CACNA1D: variants seen among roughly 807,000 people sequenced by gnomAD.
CACNA1D encodes the protein voltage-dependent L-type calcium channel subunit alpha-1D.
CACNA1D carries 55 observed loss-of-function variants against 257.1 expected under a neutral mutation model. The ratio of observed to expected loss-of-function variants is 0.21; its 90% CI spans 0.17 to 0.27. The LOEUF is 0.27. CACNA1D is among the 10% of genes least tolerant of loss of function. The probability of loss-of-function intolerance (pLI) is 1.00; values close to 1 mark genes in which losing one functional copy is unlikely to be tolerated. For synonymous variants in CACNA1D, 980 were observed against 1,014.9 expected (o/e 0.97, Z 0.65); for missense variants, 1,876 against 2,784.0 (o/e 0.67, Z 7.34).
intron 8 of CACNA1D, among the ~76,000 whole-genome samples, chr3:53,697,976 G>T (rs2094587230): frequency 6.6e-6 from 1 of 152,220 alleles, no homozygotes; most frequent in Admixed American, 6.5e-5. Context: ...TAGAGACCAA[G>T]ATGTGGGTAC....
At position 53,810,312 on chromosome 3, in the gene CACNA1D, T is replaced by G. The variant is rs535969496; in HGVS notation, c.6192+14T>G. 3.7e-6 allele frequency: 6 copies of G among 1,612,470 alleles called. No individual in the cohort carries two copies. The highest frequency in any genetic ancestry group is 1.7e-4 in the Middle Eastern group (1 of 6,060). On this transcript the variant is annotated intron_variant, in intron 47 of 47. Transcript: ENST00000350061. ...TTGGTGGAGGCAGTGAGTACGGTTC[T>G]TGGCCGTGGTGGGCAGGAAGCACCA...
chr3:53,629,911 T>C (rs1327256943), intron 3 of CACNA1D, among the ~76,000 whole-genome samples: 1 of 152,216 alleles, frequency 6.6e-6, no homozygotes, highest in Non-Finnish European at 1.5e-5. Flanking sequence ...TTTGCAGTCA[T>C]TATCCATTTC....
At chr3:53,657,149 G>A (rs970283262) in intron 4 of CACNA1D, among the ~76,000 whole-genome samples, 3 of 152,152 alleles carry the variant, frequency 2.0e-5, no homozygotes, top group African/African-American at 7.2e-5. Context: ...ATCCCTCAAC[G>A]GGCGAATGGA....
chr3:53,658,153 C>G (rs1161624689), intron 4 of CACNA1D, among the ~76,000 whole-genome samples: 2 of 151,456 alleles, frequency 1.3e-5, no homozygotes, highest in African/African-American at 4.9e-5. Context: ...GTCAGTTACT[C>G]CTTTCTCATC....
chr3:53,682,389 A>AAAC (rs2094440433), intron 8 of CACNA1D, among the ~76,000 whole-genome samples: 1 of 140,240 alleles, frequency 7.1e-6, no homozygotes, highest in Non-Finnish European at 1.5e-5. Context: ...AAAAAAAAAA[A>AAAC]AAAAAAACAG....
intron 26 of CACNA1D, 53 bp from the exon 27 acceptor site, chr3:53,749,215 G>C: frequency 7.6e-7 from 1 of 1,319,098 alleles, no homozygotes; most frequent in Non-Finnish European, 1.1e-6. Context: ...AGCGGGCTGG[G>C]CCGTGTGGGC....
At chr3:53,556,389 TCA>T (rs2092645801) in intron 3 of CACNA1D, among the ~76,000 whole-genome samples, 1 of 152,250 alleles carries the variant, frequency 6.6e-6, no homozygotes. Flanking sequence ...TATAGTTGCT[TCA>T]CATTCTTGCC....
intron 3 of CACNA1D, among the ~76,000 whole-genome samples, chr3:53,540,971 A>G (rs1271078235): frequency 6.6e-6 from 1 of 152,010 alleles, no homozygotes; most frequent in Non-Finnish European, 1.5e-5. Context: ...TGAATTCCTG[A>G]CCTTAGCTGA....
chr3:53,678,534 T>C (rs1024978200), intron 8 of CACNA1D, among the ~76,000 whole-genome samples: 9 of 152,332 alleles, frequency 5.9e-5, no homozygotes, highest in African/African-American at 2.2e-4. Flanking sequence ...TAAGGGAACA[T>C]GGATGAAGCG....
chr3:53,635,631 C>T (rs1290513293), intron 3 of CACNA1D, among the ~76,000 whole-genome samples: 1 of 152,154 alleles, frequency 6.6e-6, no homozygotes, highest in Non-Finnish European at 1.5e-5. Context: ...TCCTGCAAGA[C>T]AGTGCTGTTG....
intron 45 of CACNA1D, among the ~76,000 whole-genome samples, chr3:53,807,119 C>T (rs893365): frequency 0.41 from 62,624 of 152,172 alleles, 14,941 homozygotes; most frequent in South Asian, 0.58. Flanking sequence ...CCCTCCTCCT[C>T]CAGAGAGTGT....
intron 3 of CACNA1D, among the ~76,000 whole-genome samples, chr3:53,504,377 A>G (rs1373713788): frequency 6.6e-6 from 1 of 152,138 alleles, no homozygotes; most frequent in East Asian, 1.9e-4. Flanking sequence ...TTTTTGGGGA[A>G]GAAACGTGGC....
chr3:53,620,928 C>G (rs570612895), intron 3 of CACNA1D, among the ~76,000 whole-genome samples: 3 of 152,252 alleles, frequency 2.0e-5, no homozygotes, highest in African/African-American at 7.2e-5. Context: ...AGGGATGTGC[C>G]TGTCCTCAGT....
intron 3 of CACNA1D, among the ~76,000 whole-genome samples, chr3:53,524,407 C>T (rs1406107684): frequency 6.6e-6 from 1 of 152,216 alleles, no homozygotes; most frequent in African/African-American, 2.4e-5. Flanking sequence ...CAAAGACAAG[C>T]TTAATGACTG....
At chr3:53,585,213 C>G (rs1477972436) in intron 3 of CACNA1D, among the ~76,000 whole-genome samples, 2 of 152,008 alleles carry the variant, frequency 1.3e-5, no homozygotes, top group Non-Finnish European at 2.9e-5. Flanking sequence ...GCTGATGAAT[C>G]TGGGGAGACA....
In CACNA1D at chr3:53,735,437, C is replaced by T. The variant is rs201750122; in HGVS notation, c.2685C>T (p.Phe895=). Residue 895 remains phenylalanine, a synonymous_variant, in exon 20 of 48, where the codon TTC becomes TTT. Coordinates refer to ENST00000350061, the MANE Select transcript of CACNA1D (RefSeq NM_001128840.3). ...TCTTCACCAACCTCATCCTTGTCTT[C>T]ATCATGCTGAGCAGCGCTGCCCTGG... The part of the protein sequence containing the change: ...HHIFTNLILV[F]IMLSSAALAA... 6.2e-7 allele frequency: 1 copy of T among 1,613,924 alleles called. No homozygotes were observed. Among genetic ancestry groups the T allele is most frequent in the East Asian group, 2.2e-5 (1 of 44,878 alleles).
intron 4 of CACNA1D, 65 bp from the exon 5 acceptor site, chr3:53,660,068 A>G: frequency 1.4e-6 from 2 of 1,423,012 alleles, no homozygotes; most frequent in Non-Finnish European, 9.9e-7. Flanking sequence ...AAATAAGATT[A>G]TCATCCTGTT....
chr3:53,555,460 GTTT>G (rs372133749), intron 3 of CACNA1D, among the ~76,000 whole-genome samples: 8 of 78,364 alleles, frequency 1.0e-4, no homozygotes, highest in East Asian at 3.1e-4. Flanking sequence ...GTGTGTGTGT[GTTT>G]TTTTTTTTTT....
chr3:53,548,254 A>G (rs957072726), intron 3 of CACNA1D, among the ~76,000 whole-genome samples: 1 of 152,150 alleles, frequency 6.6e-6, no homozygotes, highest in Admixed American at 6.5e-5. Context: ...AAATAACTGA[A>G]GAAGAAAACA....
Sources: allele counts gnomAD v4.1 joint callset (sites outside exome capture counted in the v4.1 genomes callset), GRCh38; gene constraint gnomAD v4.1.1; transcripts MANE v1.5; gene names NCBI Gene and HGNC (gene_info 2026-07-23, HGNC 2026-07-21).